Variants in ADAMTS2 observed in about 807,000 individuals in gnomAD.
ADAMTS2 encodes A disintegrin and metalloproteinase with thrombospondin motifs 2.
ADAMTS2 carries 50 observed loss-of-function variants against 123.0 expected under a neutral mutation model. The observed-to-expected ratio is 0.41, with a 90% CI of 0.32 to 0.51. The LOEUF (loss-of-function observed/expected upper bound fraction) is 0.51. Ranked by LOEUF, ADAMTS2 falls within the 20% of genes least tolerant of loss-of-function variation. The pLI, the probability that ADAMTS2 is intolerant of heterozygous loss-of-function variation, is 0.35. For missense variants in ADAMTS2, 1,494 were observed against 1,705.2 expected, an observed-to-expected ratio of 0.88 and a Z score of 2.18; for synonymous variants, 678 against 695.4, an observed-to-expected ratio of 0.98 and a Z score of 0.39.
At chr5:179,151,578 G>T (rs1437298495) in intron 10 of ADAMTS2, among the ~76,000 whole-genome samples, 1 of 152,242 alleles carries the variant, frequency 6.6e-6, no homozygotes, top group Non-Finnish European at 1.5e-5. Flanking sequence ...CAAGTAACTG[G>T]CTGAGGAGTG....
intron 2 of ADAMTS2, among the ~76,000 whole-genome samples, chr5:179,279,332 C>T (rs186193012): frequency 2.8e-4 from 42 of 148,926 alleles, no homozygotes; most frequent in East Asian, 7.7e-4. Flanking sequence ...CACCTCCCTC[C>T]GAAATACACA....
intron 3 of ADAMTS2, among the ~76,000 whole-genome samples, chr5:179,208,131 G>A (rs1221794667): frequency 8.2e-6 from 1 of 121,332 alleles, no homozygotes; most frequent in Non-Finnish European, 2.0e-5. Flanking sequence ...TGACGCTGGA[G>A]TGGGCAGAGC....
At chr5:179,266,926 C>T (rs1348684149) in intron 3 of ADAMTS2, among the ~76,000 whole-genome samples, 2 of 152,208 alleles carry the variant, frequency 1.3e-5, no homozygotes, top group Non-Finnish European at 2.9e-5. Context: ...TCCAGCCTCC[C>T]CCACCAGCCT....
At chr5:179,215,278 A>G (rs914678049) in intron 3 of ADAMTS2, among the ~76,000 whole-genome samples, 4 of 152,116 alleles carry the variant, frequency 2.6e-5, no homozygotes, top group Non-Finnish European at 4.4e-5. Flanking sequence ...GAGAAACCCT[A>G]TCTCTACTAA....
chr5:179,190,460 GA>G (rs1764279202), intron 4 of ADAMTS2, among the ~76,000 whole-genome samples: 1 of 141,612 alleles, frequency 7.1e-6, no homozygotes, highest in South Asian at 2.2e-4. Context: ...AATAAAAGGA[GA>G]AAAACAGGTA....
rs1757902813 is a variant in ADAMTS2 at position 179,345,132 on chromosome 5, C to T, written c.139+58G>A. On this transcript the variant is annotated intron_variant, in intron 1 of 21. Transcript: ENST00000251582. This position sits in a 1 kb window ranked among gnomAD's most constrained non-coding sequence, Gnocchi z 7.5. ...CGCCTGGGGAGGGGGCGGCGGGGCA[C>T]GCGGGACAGGGCCAGGCCGGCGGGG... 2.9e-5 allele frequency: 31 copies of T among 1,054,022 alleles called. 1 individual carries two copies. The South Asian group carries it at 1.3e-3, about 45-fold the overall frequency. The allele number at this position is 1,054,022 out of a possible 1,614,324, so 65.3% of individuals were successfully genotyped here.
At chr5:179,172,042 G>A (rs939864540) in intron 5 of ADAMTS2, among the ~76,000 whole-genome samples, 13 of 152,276 alleles carry the variant, frequency 8.5e-5, no homozygotes, top group Admixed American at 1.3e-4. Flanking sequence ...GGAAGCGTGC[G>A]TCCAGCTTCC....
At position 179,256,293 on chromosome 5, in the gene ADAMTS2, G is replaced by A. The variant is rs954362598; in HGVS notation, c.688+16618C>T. On this transcript the variant is annotated intron_variant, in intron 3 of 21. Transcript: ENST00000251582. This position sits in a 1 kb window ranked among gnomAD's most constrained non-coding sequence, Gnocchi z 4.1. ...GACACGGGTGCCCAACAGGAAAGAG[G>A]ACGGGGGCTTATTATAAGGAAAATA... is the stretch of plus-strand genomic sequence containing the variant. 6.6e-6 allele frequency among the ~76,000 whole-genome samples: 1 copy of A among 152,180 alleles called. No homozygotes were observed. The highest frequency in any genetic ancestry group is 2.4e-5 in the African/African-American group (1 of 41,436).
At chr5:179,116,255 A>C (rs1225831781) in intron 21 of ADAMTS2, among the ~76,000 whole-genome samples, 8 of 127,034 alleles carry the variant, frequency 6.3e-5, no homozygotes, top group South Asian at 6.2e-4. Flanking sequence ...AGATGTGACC[A>C]CGGCACCCCC....
intron 2 of ADAMTS2, among the ~76,000 whole-genome samples, chr5:179,341,650 G>A (rs760768214): frequency 7.9e-5 from 12 of 151,472 alleles, no homozygotes; most frequent in Admixed American, 2.6e-4. Flanking sequence ...AAGGCAGAGC[G>A]CTTGCAGTGA....
chr5:179,335,570 G>A (rs1478445622), intron 2 of ADAMTS2, among the ~76,000 whole-genome samples: 2 of 152,220 alleles, frequency 1.3e-5, no homozygotes, highest in Non-Finnish European at 2.9e-5. Context: ...AAAGTAGAAT[G>A]TATCTGCGGT....
chr5:179,237,030 G>A (rs1254851485), intron 3 of ADAMTS2, among the ~76,000 whole-genome samples: 4 of 152,110 alleles, frequency 2.6e-5, no homozygotes, highest in African/African-American at 9.7e-5. Context: ...TGAGACGGGA[G>A]GATAGCTTGA....
At chr5:179,207,010 A>C (rs942756764) in intron 4 of ADAMTS2, among the ~76,000 whole-genome samples, 6 of 152,114 alleles carry the variant, frequency 3.9e-5, no homozygotes, top group Admixed American at 1.3e-4. Context: ...CCCTCGCTCT[A>C]ATGCACGTGA....
intron 3 of ADAMTS2, among the ~76,000 whole-genome samples, chr5:179,211,308 T>C (rs1232253799): frequency 2.0e-5 from 3 of 152,196 alleles, no homozygotes; most frequent in Non-Finnish European, 4.4e-5. Flanking sequence ...AGGATGACAC[T>C]GCCCTTGGCC....
At chr5:179,187,577 C>G (rs1194036201) in intron 4 of ADAMTS2, among the ~76,000 whole-genome samples, 1 of 152,170 alleles carries the variant, frequency 6.6e-6, no homozygotes, top group Non-Finnish European at 1.5e-5. Context: ...GGGAGGCCCC[C>G]AGCTAAGGGC....
At chr5:179,196,494 C>G (rs1422834132) in intron 4 of ADAMTS2, among the ~76,000 whole-genome samples, 1 of 152,228 alleles carries the variant, frequency 6.6e-6, no homozygotes, top group African/African-American at 2.4e-5. Flanking sequence ...TCCTCCTGCT[C>G]TGCCGTTCTA....
chr5:179,204,591 C>G (rs1288526050), intron 4 of ADAMTS2, among the ~76,000 whole-genome samples: 1 of 152,236 alleles, frequency 6.6e-6, no homozygotes, highest in Non-Finnish European at 1.5e-5. Context: ...AATGCCCCTC[C>G]TCCCCAAGAC....
At chr5:179,116,260 A>ACCCC (rs146306326) in intron 21 of ADAMTS2, among the ~76,000 whole-genome samples, 5 of 93,776 alleles carry the variant, frequency 5.3e-5, no homozygotes, top group Admixed American at 1.2e-4. Flanking sequence ...TGACCACGGC[A>ACCCC]CCCCCCCCCC....
Position 179,132,892 on chromosome 5 carries a change from G to GC in ADAMTS2, c.2093dup (p.Cys699LeufsTer2). The GC allele has an allele frequency of 1.2e-6, 2 of 1,613,792 alleles. No individual in the cohort carries two copies. The highest frequency in any genetic ancestry group is 1.7e-6 in the Non-Finnish European group (2 of 1,179,924). On this transcript the variant is annotated frameshift_variant, in exon 14 of 22. Coordinates refer to ENST00000251582, the MANE Select transcript of ADAMTS2 (RefSeq NM_014244.5). LOFTEE classifies it high-confidence loss of function. This position sits in a 1 kb window ranked among gnomAD's most constrained non-coding sequence, Gnocchi z 6.1. ...TGCTGGAGCCGATCACACCGTCACAGCCCACCTTCTGTTGGGGGAGGAGGC... is the reference window on the plus strand; with the variant it reads ...TGCTGGAGCCGATCACACCGTCACAGCCCCACCTTCTGTTGGGGGAGGAGGC...
Sources: gnomAD v4.1 joint callset for allele counts (sites outside exome capture counted in the v4.1 genomes callset) on GRCh38, gnomAD v4.1.1 for gene constraint, Gnocchi (gnomAD v3.1) non-coding constraint, MANE v1.5 for transcripts, NCBI Gene and HGNC (gene_info 2026-07-23, HGNC 2026-07-21) for gene names.